Variants in GPAT4 observed in about 807,000 individuals in gnomAD.
The protein encoded by GPAT4 is glycerol-3-phosphate acyltransferase 4.
Under a neutral mutation model 58.0 loss-of-function variants are expected in GPAT4, and 17 were observed. The observed-to-expected ratio is 0.29, with a 90% CI of 0.20 to 0.44. GPAT4 has a LOEUF of 0.44. GPAT4 is among the 20% of genes least tolerant of loss of function. The probability of loss-of-function intolerance (pLI) is 1.00; values close to 1 mark genes in which losing one functional copy is unlikely to be tolerated. For synonymous variants in GPAT4, 204 were observed against 210.1 expected, an observed-to-expected ratio of 0.97 and a Z score of 0.25; for missense variants, 377 against 574.5, an observed-to-expected ratio of 0.66 and a Z score of 3.51.
At chr8:41,597,485 A>G (rs17600200) in intron 1 of GPAT4, among the ~76,000 whole-genome samples, 8,502 of 152,230 alleles carry the variant, frequency 0.056, 250 homozygotes, top group Non-Finnish European at 0.067. Flanking sequence ...TTTAATCTCT[A>G]TGTGGAAAAT....
At chr8:41,614,521 C>T in intron 9 of GPAT4, 80 bp downstream of exon 9, 2 of 1,384,564 alleles carry the variant, frequency 1.4e-6, no homozygotes, top group Non-Finnish European at 2.0e-6. Context: ...GGAACCAAGG[C>T]CCTCAGCCCT....
rs117492832 is a variant in GPAT4 at position 41,596,845 on chromosome 8, G to A, written c.-848-1447G>A. On this transcript the variant is annotated intron_variant, in intron 1 of 12. Coordinates refer to ENST00000396987, the MANE Select transcript of GPAT4 (RefSeq NM_178819.4). ...GGGCTTTATTCAGCTGGGAGCATCAGTGGACTCACGTCTTCAAAAACCGAG... is the reference window on the plus strand; with the variant it reads ...GGGCTTTATTCAGCTGGGAGCATCAATGGACTCACGTCTTCAAAAACCGAG... 3.0e-4 allele frequency among the ~76,000 whole-genome samples: 45 copies of A among 152,344 alleles called. No individual in the cohort carries two copies. The East Asian group carries it at 7.9e-3, about 27-fold the overall frequency.
At chr8:41,609,059 A>C (rs1361636157) in intron 2 of GPAT4, among the ~76,000 whole-genome samples, 8 of 152,194 alleles carry the variant, frequency 5.3e-5, no homozygotes, top group Non-Finnish European at 1.0e-4. Flanking sequence ...CGCTGTTTTG[A>C]GTAGCTGCCG....
At chr8:41,599,784 A>G (rs78539134) in intron 2 of GPAT4, among the ~76,000 whole-genome samples, 1,559 of 152,334 alleles carry the variant, frequency 0.01, 28 homozygotes, top group African/African-American at 0.036. Context: ...ATTTCTGAAC[A>G]TATGTCAGAA....
At chr8:41,591,888 T>G (rs1192578324) in intron 1 of GPAT4, among the ~76,000 whole-genome samples, 1 of 152,260 alleles carries the variant, frequency 6.6e-6, no homozygotes, top group Non-Finnish European at 1.5e-5. Context: ...TCTATTTTGA[T>G]AGATAGCATT....
chr8:41,618,438 G>A, intron 10 of GPAT4: 1 of 552,372 alleles, frequency 1.8e-6, no homozygotes. Flanking sequence ...ATTTGCTTGA[G>A]GCAGGCTGTC....
chr8:41,617,786 G>A (rs1327077090), intron 10 of GPAT4, among the ~76,000 whole-genome samples: 1 of 152,162 alleles, frequency 6.6e-6, no homozygotes, highest in African/African-American at 2.4e-5. Flanking sequence ...TTCCACTCTG[G>A]TCCTGGGTGT....
intron 1 of GPAT4, among the ~76,000 whole-genome samples, chr8:41,579,629 G>A (rs1409604442): frequency 6.6e-6 from 1 of 152,138 alleles, no homozygotes; most frequent in Non-Finnish European, 1.5e-5. Flanking sequence ...CCTAAAGTCA[G>A]GAGTTCAAGA....
chr8:41,617,133 C>T (rs141730691), intron 10 of GPAT4, among the ~76,000 whole-genome samples: 182 of 152,192 alleles, frequency 1.2e-3, no homozygotes, highest in African/African-American at 4.2e-3. Context: ...AGGCTGAGGC[C>T]GGTGGATCAC....
chr8:41,584,356 C>T, intron 1 of GPAT4, among the ~76,000 whole-genome samples: 1 of 152,168 alleles, frequency 6.6e-6, no homozygotes, highest in Middle Eastern at 3.2e-3. Context: ...TATGTCCATA[C>T]AAAGACTTGT....
intron 8 of GPAT4, among the ~76,000 whole-genome samples, chr8:41,613,933 A>G (rs1054437904): frequency 1.3e-5 from 2 of 152,204 alleles, no homozygotes; most frequent in Admixed American, 6.5e-5. Flanking sequence ...AACACATAAG[A>G]AAAGACAGTT....
chr8:41,604,372 G>A (rs989834823), intron 2 of GPAT4, among the ~76,000 whole-genome samples: 12 of 152,186 alleles, frequency 7.9e-5, no homozygotes, highest in African/African-American at 2.7e-4. Context: ...GGATATGGGT[G>A]GATCAATATC....
intron 8 of GPAT4, among the ~76,000 whole-genome samples, chr8:41,613,553 T>C (rs527987963): frequency 6.6e-6 from 1 of 152,148 alleles, no homozygotes; most frequent in Non-Finnish European, 1.5e-5. Flanking sequence ...CCTAAGGCAG[T>C]GGAACAAAGT....
intron 2 of GPAT4, among the ~76,000 whole-genome samples, chr8:41,607,565 G>A (rs1422504212): frequency 6.7e-6 from 1 of 150,248 alleles, no homozygotes; most frequent in African/African-American, 2.5e-5. Context: ...TTGAGACAGG[G>A]TCTTGCTGTA....
Position 41,612,925 on chromosome 8 carries a change from C to G in GPAT4, c.876C>G (p.Arg292=). The G allele has an allele frequency of 1.9e-6, 3 of 1,614,122 alleles. No individual in the cohort carries two copies. Among genetic ancestry groups the G allele is most frequent in the Non-Finnish European group, 2.5e-6 (3 of 1,180,018 alleles). ...VKACPHVWFE[R]SEVKDRHLVA... ...CCTGCCCACACGTCTGGTTTGAGCG[C>G]TCGGAAGTGAAGGATCGCCACCTGG... The change falls in exon 8 of 13, where the codon CGC becomes CGG. Residue 292 remains arginine, a synonymous_variant. Transcript: ENST00000396987.
intron 1 of GPAT4, among the ~76,000 whole-genome samples, chr8:41,595,959 A>G (rs62509807): frequency 0.081 from 12,337 of 152,056 alleles, 560 homozygotes; most frequent in Middle Eastern, 0.14. Flanking sequence ...GCTGTAACCA[A>G]GTGTCTATGA....
Position 41,620,905 on chromosome 8 carries a change from G to A in GPAT4, c.1275G>A (p.Leu425=), listed in dbSNP as rs769608958. The change falls in exon 13 of 13, where the codon CTG becomes CTA. Residue 425 remains leucine (L), a synonymous_variant. Transcript: ENST00000396987. ...TTTGTCTCTCCAGGGATGGGGGCCTGAAGAGGGAGAAGGTGAAGGACACGT... is the reference window on the plus strand; with the variant it reads ...TTTGTCTCTCCAGGGATGGGGGCCTAAAGAGGGAGAAGGTGAAGGACACGT... ...GLVDLLWDGG[L]KREKVKDTFK... The A allele has an allele frequency of 6.4e-6, 10 of 1,551,042 alleles. No homozygotes were observed. The highest frequency in any genetic ancestry group is 1.9e-4 in the Middle Eastern group (1 of 5,288).
At position 41,621,813 on chromosome 8, in the gene GPAT4, G is replaced by C. The variant is rs1480951689; in HGVS notation, c.*812G>C. 6.6e-6 allele frequency: 1 copy of C among 152,288 alleles called. No homozygotes were observed. 9.4% of individuals were successfully genotyped at this position (152,288 alleles called of 1,614,324 possible). On this transcript the variant is annotated 3_prime_UTR_variant, in exon 13 of 13. Transcript: ENST00000396987. The stretch of plus-strand genomic sequence containing the variant: ...GGACACATCACGTTCAGTGTTTCAA[G>C]TACAGGCCCACAAAACGGGGCACGG...
chr8:41,586,728 T>G (rs1248008157), intron 1 of GPAT4, among the ~76,000 whole-genome samples: 1 of 152,174 alleles, frequency 6.6e-6, no homozygotes, highest in Admixed American at 6.5e-5. Context: ...CTTATGAATG[T>G]GATCCCCCTC....
Sources: gnomAD v4.1 joint callset for allele counts (sites outside exome capture counted in the v4.1 genomes callset) on GRCh38, gnomAD v4.1.1 for gene constraint, MANE v1.5 for transcripts, NCBI Gene and HGNC (gene_info 2026-07-23, HGNC 2026-07-21) for gene names.